RIC8B: variants seen among roughly 807,000 people sequenced by gnomAD.
RIC8B encodes the protein chaperone Ric-8B.
In RIC8B, 16 loss-of-function variants were observed where a neutral mutation model predicts 57.5. The ratio of observed to expected loss-of-function variants is 0.28; its 90% CI spans 0.19 to 0.42. The LOEUF is 0.42. Ranked by LOEUF, RIC8B falls within the 10% of genes least tolerant of loss-of-function variation. The pLI is 1.00. For synonymous variants in RIC8B, 216 were observed against 250.8 expected, an observed-to-expected ratio of 0.86 and a Z score of 1.31; for missense variants, 481 against 677.0, an observed-to-expected ratio of 0.71 and a Z score of 3.21.
At chr12:106,782,483 A>G (rs182405296) in intron 1 of RIC8B, among the ~76,000 whole-genome samples, 1 of 152,222 alleles carries the variant, frequency 6.6e-6, no homozygotes, top group African/African-American at 2.4e-5. Flanking sequence ...CTGGCCTGTG[A>G]GCTACCGCCC....
chr12:106,846,949 T>C (rs952535534), intron 6 of RIC8B, among the ~76,000 whole-genome samples: 1 of 152,200 alleles, frequency 6.6e-6, no homozygotes, highest in Admixed American at 6.5e-5. Flanking sequence ...ACTGTTATGA[T>C]CAAGAAAGGC....
chr12:106,807,504 A>C (rs1249244610), intron 2 of RIC8B, among the ~76,000 whole-genome samples: 1 of 152,146 alleles, frequency 6.6e-6, no homozygotes, highest in Admixed American at 6.5e-5. Context: ...GACAGTGGAG[A>C]AGTCATACCC....
intron 3 of RIC8B, among the ~76,000 whole-genome samples, chr12:106,815,595 G>A (rs2045538597): frequency 6.6e-6 from 1 of 152,160 alleles, no homozygotes; most frequent in Admixed American, 6.5e-5. Flanking sequence ...GCCGCTTTCA[G>A]GAATAAGGTT....
In RIC8B at chr12:106,870,804, CTT is replaced by C; in HGVS notation, c.1452-12_1452-11del. The C allele has an allele frequency of 6.7e-7, 1 of 1,482,900 alleles. No individual in the cohort carries two copies. Among genetic ancestry groups the C allele is most frequent in the Non-Finnish European group, 9.0e-7 (1 of 1,113,804 alleles). 91.9% of individuals were successfully genotyped at this position (1,482,900 alleles called of 1,614,324 possible). ...CATAATTTTAAAACATACAGCATAA[CTT>C]TTTTTTCTTTTTGTAGCATTAATCT... On this transcript the variant is annotated splice_polypyrimidine_tract_variant and intron_variant, in intron 8 of 9. Coordinates refer to ENST00000392837, the MANE Select transcript of RIC8B (RefSeq NM_001330145.2).
At chr12:106,873,626 G>A (rs887995690) in intron 9 of RIC8B, among the ~76,000 whole-genome samples, 1 of 152,184 alleles carries the variant, frequency 6.6e-6, no homozygotes, top group African/African-American at 2.4e-5. Context: ...CTAGGAACCT[G>A]AGGAAGATTC....
At chr12:106,819,736 GAA>G (rs555149043) in intron 3 of RIC8B, among the ~76,000 whole-genome samples, 19 of 84,894 alleles carry the variant, frequency 2.2e-4, no homozygotes, top group African/African-American at 5.0e-4. Flanking sequence ...AGCGTCTCAG[GAA>G]AAAAAAAAAA....
chr12:106,833,492 T>G (rs374511203), intron 4 of RIC8B, among the ~76,000 whole-genome samples: 16 of 152,088 alleles, frequency 1.1e-4, no homozygotes, highest in African/African-American at 3.9e-4. Context: ...TCCCAGCTAC[T>G]TGGGAGGCTG....
intron 4 of RIC8B, among the ~76,000 whole-genome samples, chr12:106,834,958 TG>T (rs2046523604): frequency 2.5e-5 from 3 of 118,650 alleles, no homozygotes; most frequent in Admixed American, 2.4e-4. Context: ...CACTCCAGCC[TG>T]GGCGACAGAG....
intron 2 of RIC8B, among the ~76,000 whole-genome samples, chr12:106,789,561 A>T (rs966601001): frequency 2.0e-5 from 3 of 152,130 alleles, no homozygotes; most frequent in African/African-American, 7.2e-5. Flanking sequence ...TACTTCTTAC[A>T]TGGTGGTGGC....
At chr12:106,796,033 G>A (rs1313875727) in intron 2 of RIC8B, among the ~76,000 whole-genome samples, 2 of 152,124 alleles carry the variant, frequency 1.3e-5, no homozygotes, top group African/African-American at 4.8e-5. Flanking sequence ...ACATCCCATG[G>A]TCATGGATTA....
intron 7 of RIC8B, among the ~76,000 whole-genome samples, chr12:106,854,956 A>C (rs1270256660): frequency 6.6e-6 from 1 of 152,184 alleles, no homozygotes; most frequent in East Asian, 1.9e-4. Flanking sequence ...TAACTTGTTC[A>C]ATTGAGCCTG....
At chr12:106,820,194 G>GA (rs2045776487) in intron 3 of RIC8B, among the ~76,000 whole-genome samples, 1 of 152,162 alleles carries the variant, frequency 6.6e-6, no homozygotes, top group African/African-American at 2.4e-5. Context: ...ACCAAAAATA[G>GA]AAAATTAATG....
chr12:106,814,445 A>G (rs975001740), intron 2 of RIC8B, among the ~76,000 whole-genome samples: 2 of 152,232 alleles, frequency 1.3e-5, no homozygotes, highest in Non-Finnish European at 1.5e-5. Context: ...TGTACTCTGG[A>G]CAAATATGAA....
chr12:106,788,717 G>A (rs965806158), intron 2 of RIC8B, among the ~76,000 whole-genome samples: 1 of 152,094 alleles, frequency 6.6e-6, no homozygotes, highest in Non-Finnish European at 1.5e-5. Context: ...GGGACTCAGG[G>A]CACCAAGTCC....
intron 1 of RIC8B, among the ~76,000 whole-genome samples, chr12:106,777,673 C>T (rs2043555725): frequency 6.6e-6 from 1 of 152,100 alleles, no homozygotes; most frequent in African/African-American, 2.4e-5. Context: ...GTTCAAATCC[C>T]AACTCTGCCA....
intron 1 of RIC8B, among the ~76,000 whole-genome samples, chr12:106,782,112 A>C (rs1317403053): frequency 2.0e-5 from 3 of 152,176 alleles, no homozygotes; most frequent in Non-Finnish European, 4.4e-5. Flanking sequence ...AAATTGCTAC[A>C]TAATATTTTG....
At chr12:106,782,778 A>G (rs915275585) in intron 1 of RIC8B, among the ~76,000 whole-genome samples, 1 of 152,246 alleles carries the variant, frequency 6.6e-6, no homozygotes, top group Non-Finnish European at 1.5e-5. Flanking sequence ...TGCTTCTACA[A>G]AGATGTCAAC....
At chr12:106,810,255 A>T (rs2045276943) in intron 2 of RIC8B, among the ~76,000 whole-genome samples, 1 of 149,704 alleles carries the variant, frequency 6.7e-6, no homozygotes, top group Non-Finnish European at 1.5e-5. Flanking sequence ...AAAATGGGAA[A>T]CTGAGGTTAA....
intron 1 of RIC8B, among the ~76,000 whole-genome samples, chr12:106,782,597 C>T (rs930815740): frequency 6.6e-6 from 1 of 152,224 alleles, no homozygotes; most frequent in Non-Finnish European, 1.5e-5. Flanking sequence ...AATCCATGCC[C>T]TTACCACCTG....
Sources: gnomAD v4.1 joint callset for allele counts (sites outside exome capture counted in the v4.1 genomes callset) on GRCh38, gnomAD v4.1.1 for gene constraint, MANE v1.5 for transcripts, NCBI Gene and HGNC (gene_info 2026-07-23, HGNC 2026-07-21) for gene names.